ZNF705G: variants seen among roughly 807,000 people sequenced by gnomAD.
ZNF705G encodes the protein zinc finger protein 705G, also known as putative zinc finger protein 705G.
A neutral mutation model predicts 19.6 loss-of-function variants in ZNF705G; 23 were observed. The observed-to-expected ratio is 1.17, with a 90% CI of 0.84 to 1.66. The LOEUF is 1.66. Ranked by LOEUF, ZNF705G falls within the 40% of genes most tolerant of loss-of-function variation. The pLI, the probability that ZNF705G is intolerant of heterozygous loss-of-function variation, is 0.00. For missense variants in ZNF705G, 457 were observed against 354.4 expected, an observed-to-expected ratio of 1.29 and a Z score of -2.32; for synonymous variants, 146 against 117.7, an observed-to-expected ratio of 1.24 and a Z score of -1.56.
rs1344700200 is a variant in ZNF705G, at chr8:7,379,406, G to A, written c.-72+2046C>T. Among the ~76,000 whole-genome samples the A allele has an allele frequency of 1.9e-4, 28 of 147,348 alleles. 7 individuals are homozygous for A. Among genetic ancestry groups the A allele is most frequent in the African/African-American group, 7.3e-4 (27 of 36,842 alleles). ...CAGTTTGGACACGTATATTAAAGCCGTCACATAGAATATTATCCTCTCATT... is the reference window on the plus strand; with the variant it reads ...CAGTTTGGACACGTATATTAAAGCCATCACATAGAATATTATCCTCTCATT... On this transcript the variant is annotated intron_variant, in intron 2 of 6. Coordinates refer to ENST00000400156, the MANE Select transcript of ZNF705G (RefSeq NM_001164457.3).
In ZNF705G at chr8:7,368,461, C is replaced by T. The variant is rs138138623; in HGVS notation, c.-71-5444G>A. ...ACTGGACTTGAAAACAAATGGAAGGCGAATAGATATAAAAAGTTTCAATGT... is the reference window on the plus strand; with the variant it reads ...ACTGGACTTGAAAACAAATGGAAGGTGAATAGATATAAAAAGTTTCAATGT... On this transcript the variant is annotated intron_variant, in intron 2 of 6. Transcript: ENST00000400156. Among the ~76,000 whole-genome samples, 938 of 148,660 alleles carry T rather than the reference C, an allele frequency of 6.3e-3. 89 individuals are homozygous for T. Among genetic ancestry groups the T allele is most frequent in the African/African-American group, 0.022 (847 of 38,364 alleles).
chr8:7,379,080 G>T (rs1022380768), intron 2 of ZNF705G, among the ~76,000 whole-genome samples: 2 of 150,698 alleles, frequency 1.3e-5, no homozygotes, highest in Non-Finnish European at 2.9e-5. Flanking sequence ...GTAGTGGGGG[G>T]CCTCCCCTTG....
chr8:7,364,599 T>A (rs1323948672), intron 2 of ZNF705G, among the ~76,000 whole-genome samples: 1 of 149,656 alleles, frequency 6.7e-6, no homozygotes, highest in East Asian at 1.9e-4. Context: ...ACAAAATTAC[T>A]CCCCTAACCA....
intron 2 of ZNF705G, among the ~76,000 whole-genome samples, chr8:7,372,372 G>T: frequency 6.6e-6 from 1 of 152,016 alleles, no homozygotes; most frequent in Non-Finnish European, 1.5e-5. Flanking sequence ...CTTTATAGGT[G>T]CTATCAAGGA....
chr8:7,359,575 T>C (rs776035644), intron 6 of ZNF705G, 44 bp downstream of exon 6: 5 of 1,602,470 alleles, frequency 3.1e-6, no homozygotes, highest in Non-Finnish European at 4.2e-6. Context: ...TCCATTAACA[T>C]GTCTTTAACT....
chr8:7,384,037 A>G (rs1356658967), intron 1 of ZNF705G, among the ~76,000 whole-genome samples: 2 of 136,286 alleles, frequency 1.5e-5, no homozygotes, highest in Non-Finnish European at 3.0e-5. Context: ...CAAAAGGTAG[A>G]TTGTTGATGA....
In ZNF705G at chr8:7,361,572, T is replaced by A. The variant is rs529163166; in HGVS notation, c.13-336A>T. Among the ~76,000 whole-genome samples the A allele has an allele frequency of 1.2e-3, 182 of 149,868 alleles. 16 individuals carry two copies. The highest frequency in any genetic ancestry group is 4.5e-3 in the African/African-American group (176 of 39,246). On this transcript the variant is annotated intron_variant, in intron 3 of 6. Coordinates refer to ENST00000400156, the MANE Select transcript of ZNF705G (RefSeq NM_001164457.3). ...TTCATAAATAAAATGAAATTTACCA[T>A]GAATTTCAAGTAAATTACAGATTTG...
At position 7,357,961 on chromosome 8, in the gene ZNF705G, G is replaced by T; in HGVS notation, c.*15C>A. Reference sequence around the variant, plus strand: ...GGCATTCATATGGCTTTTCTCCAGTGCGTGTTCTCTCATGTCATCTAAGGT... The same window carrying T: ...GGCATTCATATGGCTTTTCTCCAGTTCGTGTTCTCTCATGTCATCTAAGGT... On this transcript the variant is annotated 3_prime_UTR_variant, in exon 7 of 7. Transcript: ENST00000400156. The T allele has an allele frequency of 6.2e-6, 10 of 1,608,794 alleles. No individual in the cohort carries two copies. The highest frequency in any genetic ancestry group is 8.5e-6 in the Non-Finnish European group (10 of 1,179,604).
intron 2 of ZNF705G, among the ~76,000 whole-genome samples, chr8:7,371,111 G>T (rs549119944): frequency 7.0e-6 from 1 of 142,642 alleles, no homozygotes; most frequent in Non-Finnish European, 1.5e-5. Context: ...ATACATATAT[G>T]CAATGGAATA....
chr8:7,367,063 A>T (rs1161700412), intron 2 of ZNF705G, among the ~76,000 whole-genome samples: 1 of 149,748 alleles, frequency 6.7e-6, no homozygotes. Flanking sequence ...AGTTAAAATA[A>T]TGAGATATGG....
At chr8:7,376,867 A>G (rs1310269650) in intron 2 of ZNF705G, among the ~76,000 whole-genome samples, 2 of 137,394 alleles carry the variant, frequency 1.5e-5, no homozygotes, top group Non-Finnish European at 3.0e-5. Context: ...ATTATAATCT[A>G]TCATATAGAG....
chr8:7,358,278 C>A lies in ZNF705G; in HGVS notation c.601G>T (p.Ala201Ser), dbSNP rs1806381297. ...KMTHTGERPY[A>S]CHLCRKAFTQ... ...AAGGCTTTTCTACATAGATGACATGCATATGGCCTCTCTCCAGTGTGAGTC... is the reference window on the plus strand; with the variant it reads ...AAGGCTTTTCTACATAGATGACATGAATATGGCCTCTCTCCAGTGTGAGTC... The change falls in exon 7 of 7, where the codon GCA becomes TCA. Residue 201 changes from alanine to serine, a missense_variant. By Grantham distance (99) the Ala-to-Ser change is moderately conservative (BLOSUM62 1). Transcript: ENST00000400156. 3 of 1,607,690 alleles carry A rather than the reference C, an allele frequency of 1.9e-6. No individual in the cohort carries two copies. The highest frequency in any genetic ancestry group is 1.7e-6 in the Non-Finnish European group (2 of 1,179,632).
chr8:7,383,771 G>T (rs1807611033), intron 1 of ZNF705G, among the ~76,000 whole-genome samples: 1 of 148,814 alleles, frequency 6.7e-6, no homozygotes, highest in Admixed American at 6.6e-5. Context: ...CACAGAGAAG[G>T]AAGCGAGCTC....
intron 2 of ZNF705G, among the ~76,000 whole-genome samples, chr8:7,367,811 T>C (rs574176543): frequency 1.3e-5 from 2 of 149,954 alleles, no homozygotes; most frequent in South Asian, 4.2e-4. Flanking sequence ...TTCTTTCTTC[T>C]AGGAGGCAAG....
At chr8:7,379,548 C>A (rs1437515369) in intron 2 of ZNF705G, among the ~76,000 whole-genome samples, 3 of 147,042 alleles carry the variant, frequency 2.0e-5, no homozygotes, top group African/African-American at 2.7e-5. Context: ...AAAGAGGGCA[C>A]TAGAATTCAG....
chr8:7,363,496 T>G (rs1362232145), intron 2 of ZNF705G, among the ~76,000 whole-genome samples: 2 of 149,422 alleles, frequency 1.3e-5, no homozygotes, highest in Admixed American at 6.6e-5. Flanking sequence ...CTTTTGTATT[T>G]CCCCTTGGAA....
chr8:7,357,537 T>G lies in ZNF705G; in HGVS notation c.*439A>C. ...ATTCTCTACCTGAAAGTCCCACATG[T>G]TTTAAGTTATAGCTGTTGCTGAAGA... On this transcript the variant is annotated 3_prime_UTR_variant, in exon 7 of 7. Coordinates refer to ENST00000400156, the MANE Select transcript of ZNF705G (RefSeq NM_001164457.3). 4.7e-6 allele frequency: 1 copy of G among 212,138 alleles called. No homozygotes were observed. Among genetic ancestry groups the G allele is most frequent in the East Asian group, 1.3e-4 (1 of 7,756 alleles). 13.1% of individuals were successfully genotyped at this position (212,138 alleles called of 1,614,324 possible). A position where few individuals can be genotyped will look rare whatever the true frequency, so the allele number is the denominator to read the frequency against.
At position 7,368,693 on chromosome 8, in the gene ZNF705G, C is replaced by A. The variant is rs535849367; in HGVS notation, c.-71-5676G>T. Among the ~76,000 whole-genome samples the A allele has an allele frequency of 3.7e-4, 56 of 149,812 alleles. No homozygotes were observed. The East Asian group carries it at 9.5e-3, about 25-fold the overall frequency. ...TTTTAGAGACCTTGGCTGGTGGCAG[C>A]CCCTCTCCTCAAAGGCCTGGAGGCC... On this transcript the variant is annotated intron_variant, in intron 2 of 6. Transcript: ENST00000400156.
intron 2 of ZNF705G, among the ~76,000 whole-genome samples, chr8:7,379,825 C>T (rs1333776690): frequency 2.0e-5 from 3 of 147,080 alleles, no homozygotes; most frequent in Admixed American, 6.6e-5. Context: ...GGCACTGGAT[C>T]GTCTGCACCT....
Sources: gnomAD v4.1 joint callset for allele counts (sites outside exome capture counted in the v4.1 genomes callset) on GRCh38, gnomAD v4.1.1 for gene constraint, MANE v1.5 for transcripts, NCBI Gene and HGNC (gene_info 2026-07-23, HGNC 2026-07-21) for gene names.